The following PLAAT1 variants were observed in gnomAD, a reference collection of about 807,000 sequenced individuals.
PLAAT1 encodes H-REV107 protein-related protein.
In PLAAT1, 13 loss-of-function variants were observed where a neutral mutation model predicts 16.4. The ratio of observed to expected loss-of-function variants is 0.79; its 90% confidence interval spans 0.52 to 1.26. The LOEUF is 1.26. PLAAT1 is among the 50% of genes most tolerant of loss of function. PLAAT1 has a pLI of 0.00. For synonymous variants in PLAAT1, 73 were observed against 78.4 expected, an observed-to-expected ratio of 0.93 and a Z score of 0.36; for missense variants, 218 against 207.8, an observed-to-expected ratio of 1.05 and a Z score of -0.30.
At chr3:193,281,104 G>T (rs1254121025), downstream of PLAAT1, 1 of 782,104 alleles carries the variant, frequency 1.3e-6, no homozygotes, top group African/African-American at 1.9e-5. Flanking sequence ...AGAAAAGTAG[G>T]AATTGCATCT....
chr3:193,256,444 A>G (rs537205708), intron 2 of PLAAT1, among the ~76,000 whole-genome samples: 1 of 152,194 alleles, frequency 6.6e-6, no homozygotes, highest in Non-Finnish European at 1.5e-5. Flanking sequence ...ATAGTATCCC[A>G]GGTCAAGGGG....
intron 2 of PLAAT1, among the ~76,000 whole-genome samples, chr3:193,256,424 C>A (rs113476984): frequency 6.6e-5 from 10 of 152,138 alleles, no homozygotes; most frequent in African/African-American, 2.4e-4. Context: ...GTCAGATGCT[C>A]TCTAGAGATA....
At chr3:193,280,281 C>G (rs1446684104), downstream of PLAAT1, among the ~76,000 whole-genome samples, 1 of 152,116 alleles carries the variant, frequency 6.6e-6, no homozygotes, top group Non-Finnish European at 1.5e-5. Context: ...GCTCGAACTC[C>G]TGACCTGCGA....
chr3:193,255,659 T>C lies in PLAAT1; in HGVS notation c.9T>C (p.Phe3=). The change falls in exon 2 of 4, where the codon TTT becomes TTC. Residue 3 remains phenylalanine (F), a synonymous_variant. Transcript: ENST00000264735. MA[F]NDCFSLNYPG... is the part of the protein sequence containing the mutation. ...TGTATTTGTCATTGCAGATGGCGTT[T>C]AATGATTGCTTCAGTTTGAACTACC... 1 of 1,607,988 alleles carries C rather than the reference T, an allele frequency of 6.2e-7. No individual in the cohort carries two copies. Among genetic ancestry groups the C allele is most frequent in the Non-Finnish European group, 8.5e-7 (1 of 1,177,040 alleles).
chr3:193,242,038 C>T (rs527528489), intron 1 of PLAAT1, among the ~76,000 whole-genome samples: 178 of 151,916 alleles, frequency 1.2e-3, no homozygotes, highest in Non-Finnish European at 2.1e-3. Context: ...TCACTAACCG[C>T]GTGCGGCCCA....
downstream of PLAAT1, among the ~76,000 whole-genome samples, chr3:193,274,339 C>T (rs560940396): frequency 5.3e-5 from 8 of 152,208 alleles, no homozygotes; most frequent in East Asian, 1.2e-3. Flanking sequence ...ATTTCATTAC[C>T]TTTGTGATCT....
chr3:193,265,017 A>G (rs1037845245), intron 3 of PLAAT1, among the ~76,000 whole-genome samples: 1 of 152,238 alleles, frequency 6.6e-6, no homozygotes, highest in African/African-American at 2.4e-5. Flanking sequence ...AGTGTTGGCA[A>G]GGAAGTGAAG....
At chr3:193,271,676 A>G (rs993552790), downstream of PLAAT1, among the ~76,000 whole-genome samples, 1 of 152,214 alleles carries the variant, frequency 6.6e-6, no homozygotes, top group African/African-American at 2.4e-5. Flanking sequence ...CCAGCCAATG[A>G]CATCCGTCTT....
intron 3 of PLAAT1, 144 bp from the exon 4 acceptor site, chr3:193,270,460 A>G (rs1716946954): frequency 1.8e-6 from 1 of 560,746 alleles, no homozygotes; most frequent in Non-Finnish European, 2.9e-6. Flanking sequence ...TTTATGCAGA[A>G]TTTTAATTTT....
chr3:193,247,815 T>C (rs888601639), intron 1 of PLAAT1, among the ~76,000 whole-genome samples: 2 of 152,236 alleles, frequency 1.3e-5, no homozygotes, highest in Non-Finnish European at 2.9e-5. Flanking sequence ...TTCAGTCTTC[T>C]TAAATTTGTT....
At chr3:193,249,853 A>G (rs1047486994) in intron 1 of PLAAT1, among the ~76,000 whole-genome samples, 3 of 151,370 alleles carry the variant, frequency 2.0e-5, no homozygotes, top group African/African-American at 7.3e-5. Flanking sequence ...GTACTTTTTA[A>G]TATTTTCTGT....
downstream of PLAAT1, among the ~76,000 whole-genome samples, chr3:193,273,942 C>T (rs1276632086): frequency 6.6e-6 from 1 of 152,030 alleles, no homozygotes; most frequent in Admixed American, 6.6e-5. Flanking sequence ...TTCTGGACGA[C>T]TTTTAAAGTT....
At chr3:193,268,216 A>G (rs1244683795) in intron 3 of PLAAT1, among the ~76,000 whole-genome samples, 1 of 152,216 alleles carries the variant, frequency 6.6e-6, no homozygotes, top group East Asian at 1.9e-4. Flanking sequence ...ATCTTTGTCA[A>G]AGATGGCCCA....
At chr3:193,253,731 TTTTCCC>T (rs1716277924) in intron 1 of PLAAT1, among the ~76,000 whole-genome samples, 1 of 152,216 alleles carries the variant, frequency 6.6e-6, no homozygotes, top group Non-Finnish European at 1.5e-5. Flanking sequence ...AGTCAAGTTA[TTTTCCC>T]TTTGTTTTAT....
At chr3:193,279,100 T>C (rs1303185344), downstream of PLAAT1, among the ~76,000 whole-genome samples, 1 of 152,228 alleles carries the variant, frequency 6.6e-6, no homozygotes, top group Non-Finnish European at 1.5e-5. Flanking sequence ...TTTTATTGTA[T>C]TGGTATAACA....
At chr3:193,262,044 C>T (rs1716603261) in intron 2 of PLAAT1, among the ~76,000 whole-genome samples, 1 of 152,152 alleles carries the variant, frequency 6.6e-6, no homozygotes, top group Non-Finnish European at 1.5e-5. Context: ...TGTGGAGACT[C>T]TCTCTCATGA....
intron 3 of PLAAT1, among the ~76,000 whole-genome samples, chr3:193,269,451 T>C (rs192306493): frequency 6.6e-6 from 1 of 152,178 alleles, no homozygotes. Flanking sequence ...GTTGTGTCCC[T>C]CTTTCCTGGC....
chr3:193,270,614 C>T lies in PLAAT1; in HGVS notation c.416C>T (p.Ala139Val), dbSNP rs1057094437. Reference protein sequence around the residue: ...GEGVSEQANRAISTVEFVTAA... With the variant: ...GEGVSEQANRVISTVEFVTAA... ...CTTGTTTCCTTATAGGCCAACCGAG[C>T]GATAAGTACCGTTGAGTTTGTGACA... The change falls in exon 4 of 4, where the codon GCG becomes GTG. Residue 139 changes from alanine to valine, a missense_variant. By Grantham distance (64) the Ala-to-Val change is moderately conservative. Coordinates refer to ENST00000264735, the MANE Select transcript of PLAAT1 (RefSeq NM_020386.5). The T allele has an allele frequency of 5.6e-6, 9 of 1,611,538 alleles. No individual in the cohort carries two copies. Among genetic ancestry groups the T allele is most frequent in the East Asian group, 4.5e-5 (2 of 44,840 alleles).
Position 193,259,770 on chromosome 3 carries a change from G to A in PLAAT1, c.140-3200G>A, listed in dbSNP as rs144706023. On this transcript the variant is annotated intron_variant, in intron 2 of 3. Transcript: ENST00000264735. ...AACATTCCATGCTCACGGATTGGAA[G>A]AAATAATATTAAAATGTTCATATTG... is the stretch of plus-strand genomic sequence containing the variant. Among the ~76,000 whole-genome samples, 327 of 152,192 alleles carry A rather than the reference G, an allele frequency of 2.1e-3. 4 individuals carry two copies. Among genetic ancestry groups the A allele is most frequent in the Middle Eastern group, 6.8e-3 (2 of 294 alleles).
Sources: gnomAD v4.1 joint callset for allele counts (sites outside exome capture counted in the v4.1 genomes callset) on GRCh38, gnomAD v4.1.1 for gene constraint, MANE v1.5 for transcripts, NCBI Gene and HGNC (gene_info 2026-07-23, HGNC 2026-07-21) for gene names.